PTOV1: variants seen among roughly 807,000 people sequenced by gnomAD.
PTOV1 encodes PTOV1 extended AT-hook containing adaptor protein.
PTOV1 carries 20 observed loss-of-function variants against 58.0 expected under a neutral mutation model. That is an observed-to-expected ratio of 0.34 (90% CI 0.24 to 0.50). The LOEUF (loss-of-function observed/expected upper bound fraction) is 0.50. PTOV1 is among the 20% of genes least tolerant of loss of function. The pLI is 0.98. For synonymous variants in PTOV1, 335 were observed against 234.2 expected (o/e 1.43, Z -3.93); for missense variants, 593 against 565.4 (o/e 1.05, Z -0.50).
exon 1 of PTOV1, chr19:49,851,241 C>T: frequency 3.6e-6 from 4 of 1,124,378 alleles, no homozygotes; most frequent in South Asian, 4.3e-5. Flanking sequence ...CGAAGCCGCG[C>T]GCCCGCGCCC....
chr19:49,858,876 A>G, intron 10 of PTOV1: 1 of 519,560 alleles, frequency 1.9e-6, no homozygotes, highest in Non-Finnish European at 3.5e-6. Context: ...CTCCTCTGCC[A>G]CATCAGGGCT....
At chr19:49,857,185 C>T (rs553834686) in intron 6 of PTOV1, 55 bp downstream of exon 6, 2 of 1,600,002 alleles carry the variant, frequency 1.3e-6, no homozygotes, top group South Asian at 1.1e-5. Context: ...GACCCCACTG[C>T]CCTGGTTGGG....
At chr19:49,854,531 C>G (rs766648202) in exon 2 of PTOV1, 1 of 1,612,950 alleles carries the variant, frequency 6.2e-7, no homozygotes, top group African/African-American at 1.3e-5. Context: ...GCGGCGTCCT[C>G]GAGTGGCAGG....
chr19:49,858,736 G>C (rs909554343), intron 10 of PTOV1, 83 bp downstream of exon 10: 11 of 1,168,246 alleles, frequency 9.4e-6, no homozygotes, highest in East Asian at 2.6e-5. Flanking sequence ...ACATGGGAGA[G>C]GAACAGAGCA....
At chr19:49,860,419 G>A in exon 12 of PTOV1, 3 of 1,322,412 alleles carry the variant, frequency 2.3e-6, no homozygotes, top group East Asian at 2.5e-5. Context: ...GGGCGACCTT[G>A]GCCTTGGGGA....
chr19:49,858,981 A>C, intron 10 of PTOV1: 1 of 236,156 alleles, frequency 4.2e-6, no homozygotes, highest in Non-Finnish European at 8.3e-6. Flanking sequence ...CCAAAGGCCC[A>C]TTGCTGGGCA....
intron 10 of PTOV1, chr19:49,859,308 G>T (rs575881569): frequency 6.7e-6 from 1 of 149,890 alleles, no homozygotes; most frequent in Non-Finnish European, 1.5e-5. Context: ...ATTCCCTCAG[G>T]GGCCGGGTGC....
upstream of PTOV1, chr19:49,850,750 G>C: frequency 9.1e-7 from 1 of 1,096,086 alleles, no homozygotes; most frequent in Non-Finnish European, 1.3e-6. Context: ...TCTCAGGCTC[G>C]GGTGCAATCC....
At chr19:49,858,161 C>T (rs200480115) in intron 9 of PTOV1, 47 bp downstream of exon 9, 3 of 1,598,532 alleles carry the variant, frequency 1.9e-6, no homozygotes, top group South Asian at 1.1e-5. Flanking sequence ...AGTAGCTCTT[C>T]CAGAGGGCGG....
chr19:49,860,041 T>G, exon 11 of PTOV1: 1 of 1,614,188 alleles, frequency 6.2e-7, no homozygotes. Flanking sequence ...GTGCTTATGC[T>G]CCTGTACTCT....
chr19:49,857,310 G>A, intron 6 of PTOV1, 180 bp downstream of exon 6: 1 of 863,508 alleles, frequency 1.2e-6, no homozygotes, highest in Non-Finnish European at 1.8e-6. Flanking sequence ...AGCGGCCACT[G>A]GGCGGCTCTG....
At chr19:49,859,106 TGGA>T (rs751321565) in intron 10 of PTOV1, 1 of 156,388 alleles carries the variant, frequency 6.4e-6, no homozygotes, top group Admixed American at 6.4e-5. Context: ...ATCTGTGAGG[TGGA>T]GAAGGTTGGA....
chr19:49,857,722 C>G (rs948245562), exon 7 of PTOV1: 1 of 1,614,006 alleles, frequency 6.2e-7, no homozygotes, highest in African/African-American at 1.3e-5. Context: ...TCAACTCAGG[C>G]CCAGTCCAGA....
intron 1 of PTOV1, 121 bp from the exon 2 acceptor site, chr19:49,854,285 T>C: frequency 7.4e-7 from 1 of 1,344,150 alleles, no homozygotes; most frequent in South Asian, 1.4e-5. Flanking sequence ...CATGGCCCCG[T>C]GGGCTTCCAG....
chr19:49,851,760 C>A, intron 1 of PTOV1: 2 of 1,088,856 alleles, frequency 1.8e-6, no homozygotes, highest in Non-Finnish European at 2.2e-6. Flanking sequence ...ACTCCGCGGC[C>A]CGATTTAAAC....
At chr19:49,851,404 C>T in exon 1 of PTOV1, 1 of 1,195,200 alleles carries the variant, frequency 8.4e-7, no homozygotes, top group Non-Finnish European at 1.0e-6. Context: ...CCCTCCGCGG[C>T]CCCTCGTGGT....
chr19:49,856,675 G>A, intron 5 of PTOV1: 1 of 400,216 alleles, frequency 2.5e-6, no homozygotes, highest in African/African-American at 2.0e-5. Flanking sequence ...CACCCCATCA[G>A]GCAGTCAGGA....
chr19:49,857,661 G>A, intron 6 of PTOV1, 32 bp from the exon 7 acceptor site: 2 of 1,597,732 alleles, frequency 1.3e-6, no homozygotes, highest in East Asian at 4.5e-5. Flanking sequence ...AGGAGCCTGG[G>A]CCCCTCTTCC....
intron 1 of PTOV1, among the ~76,000 whole-genome samples, chr19:49,853,583 C>G (rs889956650): frequency 1.2e-4 from 18 of 151,340 alleles, no homozygotes; most frequent in Admixed American, 4.6e-4. Flanking sequence ...CACCACTGCA[C>G]TCCAGTCTGG....
Sources: gnomAD v4.1 joint callset for allele counts (sites outside exome capture counted in the v4.1 genomes callset) on GRCh38, gnomAD v4.1.1 for gene constraint, MANE v1.5 for transcripts, NCBI Gene and HGNC (gene_info 2026-07-23, HGNC 2026-07-21) for gene names.